MALRD1: variants seen among roughly 807,000 people sequenced by gnomAD.
The protein encoded by MALRD1 is MAM and LDL-receptor class A domain-containing protein 1.
A neutral mutation model predicts 242.1 loss-of-function variants in MALRD1; 247 were observed. The observed-to-expected ratio is 1.02, with a 90% CI of 0.92 to 1.13. MALRD1 has a LOEUF of 1.13. Among genes scored for constraint, MALRD1 ranks in the 50% most tolerant of loss-of-function variants. MALRD1 has a pLI of 0.00. For missense variants in MALRD1, 2,989 were observed against 2,533.1 expected (o/e 1.18, Z -3.86); for synonymous variants, 995 against 866.6 (o/e 1.15, Z -2.60).
intron 36 of MALRD1, among the ~76,000 whole-genome samples, chr10:19,657,623 A>G (rs1841222161): frequency 6.6e-6 from 1 of 152,172 alleles, no homozygotes; most frequent in Admixed American, 6.6e-5. Flanking sequence ...TTGGTAAAGC[A>G]TTTATGAATA....
At chr10:19,220,439 C>T (rs1837508979) in intron 18 of MALRD1, among the ~76,000 whole-genome samples, 1 of 152,064 alleles carries the variant, frequency 6.6e-6, no homozygotes, top group African/African-American at 2.4e-5. Flanking sequence ...ACAGACCTTC[C>T]AAAAGTATAA....
intron 26 of MALRD1, among the ~76,000 whole-genome samples, chr10:19,371,092 T>TAAA (rs759092754): frequency 2.9e-4 from 36 of 123,740 alleles, no homozygotes; most frequent in African/African-American, 1.1e-3. Flanking sequence ...TCTACGAAAT[T>TAAA]AAAAAAAAAA....
At chr10:19,214,681 T>C (rs1254984818) in intron 18 of MALRD1, among the ~76,000 whole-genome samples, 2 of 152,192 alleles carry the variant, frequency 1.3e-5, no homozygotes, top group Non-Finnish European at 2.9e-5. Context: ...CCTGGGAACT[T>C]AACAATGTCA....
intron 19 of MALRD1, among the ~76,000 whole-genome samples, chr10:19,277,792 T>G (rs1840603888): frequency 6.6e-6 from 1 of 152,210 alleles, no homozygotes; most frequent in Non-Finnish European, 1.5e-5. Flanking sequence ...TATTGGACTT[T>G]CCCCAGATTC....
At chr10:19,519,023 A>G (rs900474585) in intron 31 of MALRD1, among the ~76,000 whole-genome samples, 2 of 152,118 alleles carry the variant, frequency 1.3e-5, no homozygotes, top group Non-Finnish European at 2.9e-5. Flanking sequence ...ATCTCGGGTT[A>G]TTTTAAAAGC....
At position 19,401,382 on chromosome 10, in the gene MALRD1, G is replaced by A. The variant is rs760812098; in HGVS notation, c.4845+11773G>A. Among the ~76,000 whole-genome samples, 27 of 152,202 alleles carry A rather than the reference G, an allele frequency of 1.8e-4. 1 individual carries two copies. In the Middle Eastern group the frequency reaches 0.01, roughly 58 times the overall value. ...CTAACATAATGTATTTAAATTAAAT[G>A]TTATGTACCAAATTATATATGGAAA... is the stretch of plus-strand genomic sequence containing the variant. On this transcript the variant is annotated intron_variant, in intron 28 of 39. Transcript: ENST00000454679.
chr10:19,195,399 A>C (rs1836191761), intron 14 of MALRD1, among the ~76,000 whole-genome samples: 2 of 151,976 alleles, frequency 1.3e-5, no homozygotes, highest in African/African-American at 2.4e-5. Flanking sequence ...TATCTTCACT[A>C]CTGTAGAAAA....
At chr10:19,078,587 T>C (rs1203239977) in intron 2 of MALRD1, among the ~76,000 whole-genome samples, 1 of 151,942 alleles carries the variant, frequency 6.6e-6, no homozygotes, top group Non-Finnish European at 1.5e-5. Context: ...TATAAGAGTT[T>C]GTGAAGTATT....
intron 29 of MALRD1, chr10:19,489,165 T>A: frequency 2.1e-6 from 1 of 470,084 alleles, no homozygotes; most frequent in Non-Finnish European, 4.4e-6. Flanking sequence ...AGGTCAGCGC[T>A]GTTGTCAGGT....
chr10:19,341,525 T>TATATATATACACAC lies in MALRD1; in HGVS notation c.3902-6230_3902-6217dup, dbSNP rs1491309143. ...ATGTATATATATGTGTGTATATATG[T>TATATATATACACAC]ATATATATACACACATATATATACA... On this transcript the variant is annotated intron_variant, in intron 24 of 39. Coordinates refer to ENST00000454679, the MANE Select transcript of MALRD1 (RefSeq NM_001142308.3). Among the ~76,000 whole-genome samples the TATATATATACACAC allele has an allele frequency of 2.1e-5, 3 of 144,676 alleles. No individual in the cohort carries two copies. In the East Asian group the frequency reaches 6.1e-4, roughly 29 times the overall value. 94.9% of individuals were successfully genotyped at this position (144,676 alleles called of 152,430 possible).
intron 19 of MALRD1, among the ~76,000 whole-genome samples, chr10:19,266,152 T>TC (rs1207499438): frequency 1.3e-5 from 2 of 151,856 alleles, no homozygotes; most frequent in African/African-American, 4.8e-5. Flanking sequence ...GATATTGTTT[T>TC]TTTTTTATCT....
chr10:19,483,486 C>T lies in MALRD1; in HGVS notation c.5030-8031C>T, dbSNP rs183437240. ...AACCCATTAAAAAGTGGGCAAAGGA[C>T]GTGAACAGACACTTCTCAAAAGAAG... On this transcript the variant is annotated intron_variant, in intron 29 of 39. Coordinates refer to ENST00000454679, the MANE Select transcript of MALRD1 (RefSeq NM_001142308.3). Among the ~76,000 whole-genome samples the T allele has an allele frequency of 2.7e-4, 41 of 152,166 alleles. No individual in the cohort carries two copies. In the East Asian group the frequency reaches 5.0e-3, roughly 19 times the overall value.
intron 18 of MALRD1, among the ~76,000 whole-genome samples, chr10:19,218,594 A>G (rs1837428145): frequency 6.6e-6 from 1 of 152,152 alleles, no homozygotes; most frequent in South Asian, 2.1e-4. Context: ...AAGCTCAGTC[A>G]TATAATTAGA....
intron 32 of MALRD1, among the ~76,000 whole-genome samples, chr10:19,547,737 C>T (rs1343873523): frequency 1.7e-5 from 2 of 119,900 alleles, no homozygotes; most frequent in African/African-American, 6.6e-5. Context: ...CAGGGAGCTA[C>T]AGCACACTTC....
intron 34 of MALRD1, among the ~76,000 whole-genome samples, chr10:19,602,639 A>G (rs1382722571): frequency 6.6e-6 from 1 of 152,124 alleles, no homozygotes; most frequent in Non-Finnish European, 1.5e-5. Context: ...TATTGTGAAT[A>G]GTGCCACAAT....
chr10:19,456,750 C>CATTT (rs148086758), intron 29 of MALRD1, among the ~76,000 whole-genome samples: 62,917 of 141,314 alleles, frequency 0.45, 14,531 homozygotes, highest in East Asian at 0.63. Context: ...TTAAAAGTGA[C>CATTT]ATTTATTTAT....
intron 28 of MALRD1, among the ~76,000 whole-genome samples, chr10:19,424,942 A>T (rs773293685): frequency 3.9e-5 from 6 of 152,184 alleles, no homozygotes; most frequent in Non-Finnish European, 7.3e-5. Context: ...ATGGAAAAAA[A>T]AAATAAAAAA....
intron 28 of MALRD1, among the ~76,000 whole-genome samples, chr10:19,448,695 T>C (rs1206695712): frequency 3.3e-5 from 5 of 152,144 alleles, no homozygotes; most frequent in Admixed American, 2.0e-4. Flanking sequence ...CACCCTCAGC[T>C]ATCCATGTTT....
intron 26 of MALRD1, 73 bp from the exon 27 acceptor site, chr10:19,387,455 C>G: frequency 3.4e-6 from 5 of 1,468,236 alleles, no homozygotes; most frequent in Non-Finnish European, 4.5e-6. Flanking sequence ...TGAATCCACT[C>G]TTACTGCTTT....
Sources: gnomAD v4.1 joint callset for allele counts (sites outside exome capture counted in the v4.1 genomes callset) on GRCh38, gnomAD v4.1.1 for gene constraint, MANE v1.5 for transcripts, NCBI Gene and HGNC (gene_info 2026-07-23, HGNC 2026-07-21) for gene names.